EIF4E3: variants seen among roughly 807,000 people sequenced by gnomAD.
EIF4E3 encodes eukaryotic translation initiation factor 4E family member 3.
A neutral mutation model predicts 31.7 loss-of-function variants in EIF4E3; 26 were observed. The observed-to-expected ratio is 0.82, with a 90% confidence interval of 0.60 to 1.14. The LOEUF is 1.14. Among genes scored for constraint, EIF4E3 ranks in the 50% most tolerant of loss-of-function variants. EIF4E3 has a pLI of 0.00. For missense variants in EIF4E3, 304 were observed against 270.9 expected, an observed-to-expected ratio of 1.12 and a Z score of -0.86; for synonymous variants, 128 against 107.7, an observed-to-expected ratio of 1.19 and a Z score of -1.17.
In EIF4E3 at chr3:71,677,750, G is replaced by A. The variant is rs1178595986; in HGVS notation, c.*6932C>T. The stretch of plus-strand genomic sequence containing the variant: ...CTGCAGATGAATGGAAGAAGAGTTT[G>A]TTGGTACGTTTTGTTTGTTTTTAAA... On this transcript the variant is annotated 3_prime_UTR_variant, in exon 7 of 7. Coordinates refer to ENST00000425534, the MANE Select transcript of EIF4E3 (RefSeq NM_001134651.2). 1.3e-5 allele frequency: 2 copies of A among 152,168 alleles called. No individual in the cohort carries two copies. Among genetic ancestry groups the A allele is most frequent in the Non-Finnish European group, 2.9e-5 (2 of 68,026 alleles). 9.4% of individuals were successfully genotyped at this position (152,168 alleles called of 1,614,324 possible).
At chr3:71,751,842 T>C (rs1307102460) in intron 1 of EIF4E3, among the ~76,000 whole-genome samples, 1 of 152,154 alleles carries the variant, frequency 6.6e-6, no homozygotes, top group Non-Finnish European at 1.5e-5. Context: ...GGCTAAAAGA[T>C]TTTCAGAGAT....
intron 1 of EIF4E3, among the ~76,000 whole-genome samples, chr3:71,746,621 A>G (rs1021734149): frequency 7.9e-5 from 12 of 152,156 alleles, no homozygotes; most frequent in Admixed American, 5.9e-4. Flanking sequence ...CCTTTTAATA[A>G]AGACACCTCC....
intron 5 of EIF4E3, among the ~76,000 whole-genome samples, chr3:71,690,968 C>A (rs2049055884): frequency 6.6e-6 from 1 of 152,212 alleles, no homozygotes; most frequent in East Asian, 1.9e-4. Context: ...CAGATTAGGG[C>A]TGTCTTGCAC....
chr3:71,707,471 C>A (rs1268432941), intron 2 of EIF4E3, among the ~76,000 whole-genome samples: 5 of 152,198 alleles, frequency 3.3e-5, no homozygotes, highest in Non-Finnish European at 5.9e-5. Context: ...ACCATCTCAT[C>A]TAACTTTCAC....
At chr3:71,721,306 G>A (rs565530909) in intron 1 of EIF4E3, among the ~76,000 whole-genome samples, 2 of 152,190 alleles carry the variant, frequency 1.3e-5, no homozygotes, top group Non-Finnish European at 2.9e-5. Flanking sequence ...CATCCGGGAC[G>A]AGAACTCTGC....
chr3:71,692,891 A>G (rs2049083170), intron 5 of EIF4E3, among the ~76,000 whole-genome samples: 1 of 152,134 alleles, frequency 6.6e-6, no homozygotes, highest in Non-Finnish European at 1.5e-5. Context: ...CACCACGCCC[A>G]GCGCAGGTTT....
chr3:71,743,372 A>T (rs1002726278), intron 1 of EIF4E3, among the ~76,000 whole-genome samples: 3 of 152,202 alleles, frequency 2.0e-5, no homozygotes, highest in Admixed American at 2.0e-4. Context: ...TAAAAATACC[A>T]TTCATAAAAG....
chr3:71,711,118 T>G (rs923634361), intron 1 of EIF4E3, among the ~76,000 whole-genome samples: 2 of 152,250 alleles, frequency 1.3e-5, no homozygotes, highest in Non-Finnish European at 2.9e-5. Context: ...TTCCACTAGA[T>G]GGCAACATAC....
upstream of EIF4E3, chr3:71,754,268 G>A: frequency 8.2e-7 from 1 of 1,221,712 alleles, no homozygotes; most frequent in Non-Finnish European, 1.0e-6. This position sits in a 1 kb window ranked among gnomAD's most constrained non-coding sequence, Gnocchi z 5.8. Context: ...CCTGCCTCCC[G>A]GCCGTCATGC....
chr3:71,684,796 C>A, intron 6 of EIF4E3, 68 bp from the exon 7 acceptor site: 1 of 1,529,632 alleles, frequency 6.5e-7, no homozygotes, highest in South Asian at 1.2e-5. Context: ...ATGGGCCAAC[C>A]CTCCTCTAGG....
rs539242603 is a variant in EIF4E3 at position 71,705,249 on chromosome 3, ACCT to A, written c.249+5160_249+5162del. On this transcript the variant is annotated intron_variant, in intron 2 of 6. Coordinates refer to ENST00000425534, the MANE Select transcript of EIF4E3 (RefSeq NM_001134651.2). Reference sequence around the variant, plus strand: ...TCCATGATCAATACTGACCTAGAAAACCTCTTCTTCTGAAGGAAGAGCCCTCAT... The same window carrying A: ...TCCATGATCAATACTGACCTAGAAAACTTCTTCTGAAGGAAGAGCCCTCAT... Among the ~76,000 whole-genome samples the A allele has an allele frequency of 4.8e-3, 728 of 151,998 alleles. 4 individuals carry two copies. Among genetic ancestry groups the A allele is most frequent in the African/African-American group, 0.016 (681 of 41,442 alleles).
chr3:71,713,358 C>A (rs1238967488), intron 1 of EIF4E3, among the ~76,000 whole-genome samples: 1 of 152,204 alleles, frequency 6.6e-6, no homozygotes, highest in Admixed American at 6.5e-5. Flanking sequence ...TACACACTTG[C>A]CTTTTTTAAG....
At chr3:71,718,559 C>A (rs1023380749) in intron 1 of EIF4E3, among the ~76,000 whole-genome samples, 1 of 152,150 alleles carries the variant, frequency 6.6e-6, no homozygotes, top group Admixed American at 6.5e-5. Context: ...GAGTTTACGA[C>A]AAAATTAAGA....
At chr3:71,752,034 A>T (rs2049934069) in intron 1 of EIF4E3, among the ~76,000 whole-genome samples, 2 of 152,220 alleles carry the variant, frequency 1.3e-5, no homozygotes, top group Admixed American at 6.5e-5. Context: ...CTGGTCAGCC[A>T]CTTGCTGCTG....
intron 2 of EIF4E3, among the ~76,000 whole-genome samples, chr3:71,702,575 T>A (rs2049233308): frequency 6.6e-6 from 1 of 152,182 alleles, no homozygotes; most frequent in African/African-American, 2.4e-5. Flanking sequence ...CAACTGATTC[T>A]GCTTGGCTTG....
chr3:71,700,130 G>A (rs111727898), intron 2 of EIF4E3, among the ~76,000 whole-genome samples: 2,070 of 152,206 alleles, frequency 0.014, 39 homozygotes, highest in African/African-American at 0.047. Flanking sequence ...AGCCAAGATC[G>A]CACCACTGTA....
chr3:71,687,153 A>T (rs970414054), intron 6 of EIF4E3, among the ~76,000 whole-genome samples: 11 of 152,178 alleles, frequency 7.2e-5, no homozygotes, highest in African/African-American at 2.7e-4. Context: ...GGCACCTGCC[A>T]CCACGCCTGG....
downstream of EIF4E3, among the ~76,000 whole-genome samples, chr3:71,673,800 A>G (rs2048858151): frequency 6.6e-6 from 1 of 151,702 alleles, no homozygotes; most frequent in Non-Finnish European, 1.5e-5. Flanking sequence ...TGTTCAAGAA[A>G]TATTTGTTGA....
chr3:71,725,640 A>G (rs114113354), upstream of EIF4E3, among the ~76,000 whole-genome samples: 39,001 of 151,728 alleles, frequency 0.26, 5,248 homozygotes, highest in East Asian at 0.38. The surrounding 1 kb of genome is among the most constrained non-coding windows in gnomAD (Gnocchi z 6.1). Context: ...CCAGCGTGGG[A>G]GACTGACGGC....
Sources: gnomAD v4.1 joint callset for allele counts (sites outside exome capture counted in the v4.1 genomes callset) on GRCh38, gnomAD v4.1.1 for gene constraint, Gnocchi (gnomAD v3.1) non-coding constraint, MANE v1.5 for transcripts, NCBI Gene and HGNC (gene_info 2026-07-23, HGNC 2026-07-21) for gene names.